The following TNS3 variants were observed in gnomAD, a reference collection of about 807,000 sequenced individuals.
TNS3 encodes the protein tensin-3.
Under a neutral mutation model 140.9 loss-of-function variants are expected in TNS3, and 45 were observed. That is an observed-to-expected ratio of 0.32 (90% CI 0.25 to 0.41). The LOEUF (loss-of-function observed/expected upper bound fraction) is 0.41. TNS3 is among the 10% of genes least tolerant of loss of function. The pLI, the probability that TNS3 is intolerant of heterozygous loss-of-function variation, is 1.00. For missense variants in TNS3, 1,716 were observed against 1,906.7 expected, an observed-to-expected ratio of 0.90 and a Z score of 1.86; for synonymous variants, 815 against 788.4, an observed-to-expected ratio of 1.03 and a Z score of -0.56.
At chr7:47,512,140 A>G (rs1046657294) in intron 2 of TNS3, among the ~76,000 whole-genome samples, 12 of 152,256 alleles carry the variant, frequency 7.9e-5, no homozygotes, top group Admixed American at 5.2e-4. Context: ...AGATGGGCAG[A>G]GCCCACCTCC....
chr7:47,507,389 C>T (rs1212192623), intron 2 of TNS3, among the ~76,000 whole-genome samples: 1 of 152,134 alleles, frequency 6.6e-6, no homozygotes, highest in Non-Finnish European at 1.5e-5. Flanking sequence ...GAAGATGCCC[C>T]TTAAGAATCA....
chr7:47,448,604 C>T lies in TNS3; in HGVS notation c.-75-6549G>A, dbSNP rs185652194. On this transcript the variant is annotated intron_variant, in intron 4 of 30. Coordinates refer to ENST00000311160, the MANE Select transcript of TNS3 (RefSeq NM_022748.12). ...AAGCGATTGTCCTGCTTCAGCCTCC[C>T]GAGTAGCTAGGATTATAAGCACCCA... is the stretch of plus-strand genomic sequence containing the variant. Among the ~76,000 whole-genome samples, 5 of 151,858 alleles carry T rather than the reference C, an allele frequency of 3.3e-5. No individual in the cohort carries two copies. In the South Asian group the frequency reaches 8.3e-4, roughly 25 times the overall value.
intron 2 of TNS3, among the ~76,000 whole-genome samples, chr7:47,528,155 G>A (rs1799266141): frequency 6.6e-6 from 1 of 152,062 alleles, no homozygotes; most frequent in South Asian, 2.1e-4. Context: ...CCACACTCAG[G>A]CCTTTGAACT....
chr7:47,498,193 G>C (rs962588612), intron 3 of TNS3, among the ~76,000 whole-genome samples: 2 of 152,312 alleles, frequency 1.3e-5, no homozygotes, highest in Admixed American at 6.5e-5. Flanking sequence ...AGGGCACCTC[G>C]AAAGCCCTAG....
rs144042398 is a variant in TNS3, at chr7:47,446,688, C to CTTTT, written c.-75-4637_-75-4634dup. Among the ~76,000 whole-genome samples the CTTTT allele has an allele frequency of 9.0e-3, 867 of 96,536 alleles. 90 individuals are homozygous for CTTTT. Among genetic ancestry groups the CTTTT allele is most frequent in the African/African-American group, 0.025 (554 of 21,934 alleles). 63.3% of individuals were successfully genotyped at this position (96,536 alleles called of 152,430 possible). ...CAAAGACCGCCCTGTTCCAGGCTGC[C>CTTTT]TTTTTTTTTTTTTTTTTTTTTTTTT... On this transcript the variant is annotated intron_variant, in intron 4 of 30. Transcript: ENST00000311160.
At chr7:47,308,010 T>A (rs1786860014) in intron 20 of TNS3, among the ~76,000 whole-genome samples, 1 of 152,230 alleles carries the variant, frequency 6.6e-6, no homozygotes, top group Non-Finnish European at 1.5e-5. Flanking sequence ...TCTAAAATAG[T>A]ATCTGCCTAA....
intron 10 of TNS3, among the ~76,000 whole-genome samples, chr7:47,421,767 G>A (rs893284222): frequency 6.6e-6 from 1 of 152,152 alleles, no homozygotes; most frequent in Non-Finnish European, 1.5e-5. Context: ...GGGCACATGT[G>A]AGTTTTACGG....
chr7:47,364,787 C>T (rs943821006), intron 17 of TNS3, among the ~76,000 whole-genome samples: 17 of 152,188 alleles, frequency 1.1e-4, no homozygotes, highest in African/African-American at 2.4e-5. Context: ...TCCAATGCTG[C>T]GGCTAACCCT....
At chr7:47,449,618 G>A (rs1248859550) in intron 4 of TNS3, among the ~76,000 whole-genome samples, 1 of 152,098 alleles carries the variant, frequency 6.6e-6, no homozygotes, top group Non-Finnish European at 1.5e-5. Context: ...GTTTTTGTTT[G>A]TTTGTTTGAG....
In TNS3 at chr7:47,383,245, G is replaced by A. The variant is rs141758730; in HGVS notation, c.1024+13555C>T. ...CACCACAGCCATGAAAGGATGGAGC[G>A]TAACAGGAATGCAGCTGGAACACAG... On this transcript the variant is annotated intron_variant, in intron 16 of 30. Coordinates refer to ENST00000311160, the MANE Select transcript of TNS3 (RefSeq NM_022748.12). Among the ~76,000 whole-genome samples, 42 of 152,316 alleles carry A rather than the reference G, an allele frequency of 2.8e-4. No homozygotes were observed. In the East Asian group the frequency reaches 3.5e-3, roughly 13 times the overall value.
chr7:47,347,060 A>T (rs1022833509), intron 17 of TNS3, among the ~76,000 whole-genome samples: 1 of 152,270 alleles, frequency 6.6e-6, no homozygotes, highest in Non-Finnish European at 1.5e-5. Context: ...ATCATTTGGC[A>T]GTTAGGAAAA....
chr7:47,297,370 T>C (rs1022939229), intron 23 of TNS3, among the ~76,000 whole-genome samples, 157 bp from the exon 24 acceptor site: 3 of 151,922 alleles, frequency 2.0e-5, no homozygotes, highest in Non-Finnish European at 4.4e-5. Context: ...AAGAACTACA[T>C]GTCCATGCAG....
chr7:47,580,723 A>C (rs1432019572), intron 1 of TNS3, among the ~76,000 whole-genome samples: 2 of 152,174 alleles, frequency 1.3e-5, no homozygotes, highest in Admixed American at 6.5e-5. Context: ...GAATCACCAG[A>C]ACAAGTAAAC....
At chr7:47,507,271 C>A (rs114641055) in intron 2 of TNS3, among the ~76,000 whole-genome samples, 1 of 152,236 alleles carries the variant, frequency 6.6e-6, no homozygotes, top group South Asian at 2.1e-4. Context: ...GGGGTATGTA[C>A]GTCCAGCCGA....
intron 16 of TNS3, among the ~76,000 whole-genome samples, chr7:47,373,387 C>A (rs1030183765): frequency 6.6e-6 from 1 of 152,162 alleles, no homozygotes; most frequent in African/African-American, 2.4e-5. Context: ...AGAATATGGA[C>A]ATAAAGTACC....
chr7:47,458,532 A>G (rs1262270039), intron 4 of TNS3, among the ~76,000 whole-genome samples: 2 of 152,280 alleles, frequency 1.3e-5, no homozygotes, highest in African/African-American at 4.8e-5. Flanking sequence ...ATAATAAAAT[A>G]AAATGTAATA....
chr7:47,386,880 A>G (rs1457742765), intron 16 of TNS3, among the ~76,000 whole-genome samples: 1 of 152,252 alleles, frequency 6.6e-6, no homozygotes, highest in South Asian at 2.1e-4. Flanking sequence ...TACATAAAAT[A>G]TCCCTGCAAT....
intron 30 of TNS3, chr7:47,279,159 A>T (rs560035827): frequency 6.6e-6 from 1 of 152,472 alleles, no homozygotes; most frequent in Admixed American, 6.5e-5. Context: ...TGCACTGAGC[A>T]ACTTCCTGGA....
intron 4 of TNS3, among the ~76,000 whole-genome samples, chr7:47,480,892 C>T (rs181566242): frequency 2.0e-5 from 3 of 152,358 alleles, no homozygotes; most frequent in East Asian, 1.9e-4. Context: ...AAAGGCGCAG[C>T]GGATCCTCTT....
Sources: gnomAD v4.1 joint callset for allele counts (sites outside exome capture counted in the v4.1 genomes callset) on GRCh38, gnomAD v4.1.1 for gene constraint, MANE v1.5 for transcripts, NCBI Gene and HGNC (gene_info 2026-07-23, HGNC 2026-07-21) for gene names.